Variants in PRRX2 observed in about 807,000 individuals in gnomAD.
PRRX2 encodes the protein paired related homeobox 2, also known as paired mesoderm homeobox protein 2.
PRRX2 carries 11 observed loss-of-function variants against 18.0 expected under a neutral mutation model. That is an observed-to-expected ratio of 0.61 (90% confidence interval 0.39 to 1.01). The LOEUF (loss-of-function observed/expected upper bound fraction) is 1.01, where lower values mean the gene tolerates loss of function less well. PRRX2 is among the 50% of genes least tolerant of loss of function. PRRX2 has a pLI of 0.01. For missense variants in PRRX2, 387 were observed against 351.0 expected (o/e 1.10, Z -0.82); for synonymous variants, 177 against 154.8 (o/e 1.14, Z -1.06).
At chr9:129,704,887 A>C (rs570928883) in intron 1 of PRRX2, among the ~76,000 whole-genome samples, 1 of 152,316 alleles carries the variant, frequency 6.6e-6, no homozygotes, top group African/African-American at 2.4e-5. Flanking sequence ...GAGGCCCAGG[A>C]GCTCTTAAAT....
chr9:129,700,736 G>A (rs1175212759), intron 1 of PRRX2, among the ~76,000 whole-genome samples: 1 of 152,102 alleles, frequency 6.6e-6, no homozygotes, highest in African/African-American at 2.4e-5. Flanking sequence ...TCCCACTTCA[G>A]CCTCCTGAGT....
At position 129,715,705 on chromosome 9, in the gene PRRX2, C is replaced by T. The variant is rs749089387; in HGVS notation, c.260-3526C>T. On this transcript the variant is annotated intron_variant, in intron 1 of 3. Coordinates refer to ENST00000372469, the MANE Select transcript of PRRX2 (RefSeq NM_016307.4). The surrounding 1 kb of genome is among the most constrained non-coding windows in gnomAD (Gnocchi z 4.0). Reference sequence around the variant, plus strand: ...TGTCTCACAGGGGCAAAATTGCCCTCGGTTGAGAAGCAGTGGTCCAAACCC... The same window carrying T: ...TGTCTCACAGGGGCAAAATTGCCCTTGGTTGAGAAGCAGTGGTCCAAACCC... 2.0e-5 allele frequency among the ~76,000 whole-genome samples: 3 copies of T among 151,462 alleles called. No individual in the cohort carries two copies. The highest frequency in any genetic ancestry group is 4.9e-5 in the African/African-American group (2 of 41,164).
Position 129,720,673 on chromosome 9 carries a change from C to A in PRRX2, c.525C>A (p.Leu175=), listed in dbSNP as rs1206485000. The part of the protein sequence containing the change: ...AMLASRSASL[L]KSYSQEAAIE... ...TGGCCAGCCGCTCTGCCTCGCTGCT[C>A]AAGTCCTACAGCCAGGAGGCCGCCA... The change falls in exon 3 of 4, where the codon CTC becomes CTA. Residue 175 remains leucine, a synonymous_variant. Transcript: ENST00000372469. 6.2e-7 allele frequency: 1 copy of A among 1,613,542 alleles called. No homozygotes were observed. The highest frequency in any genetic ancestry group is 1.3e-5 in the African/African-American group (1 of 75,048).
At chr9:129,699,985 G>A (rs1832473941) in intron 1 of PRRX2, among the ~76,000 whole-genome samples, 1 of 152,230 alleles carries the variant, frequency 6.6e-6, no homozygotes, top group African/African-American at 2.4e-5. Flanking sequence ...GAGAGGTTCA[G>A]TAAATTGCCT....
chr9:129,670,679 C>T (rs186013436), intron 1 of PRRX2, among the ~76,000 whole-genome samples: 43 of 152,268 alleles, frequency 2.8e-4, no homozygotes, highest in Admixed American at 2.0e-3. Context: ...CCGGCCCTAC[C>T]TTTAAATGTG....
intron 1 of PRRX2, among the ~76,000 whole-genome samples, chr9:129,690,781 C>T (rs1343829681): frequency 6.6e-6 from 1 of 151,804 alleles, no homozygotes; most frequent in Non-Finnish European, 1.5e-5. Context: ...GCTGGGATTA[C>T]AGGCATGAGC....
chr9:129,678,655 A>G (rs888691843), intron 1 of PRRX2, among the ~76,000 whole-genome samples: 6 of 152,156 alleles, frequency 3.9e-5, no homozygotes, highest in Non-Finnish European at 8.8e-5. Flanking sequence ...TGGAGCAGAA[A>G]GGGTGGGAGA....
chr9:129,699,086 G>A (rs748685279), intron 1 of PRRX2, among the ~76,000 whole-genome samples: 9 of 152,200 alleles, frequency 5.9e-5, no homozygotes, highest in Non-Finnish European at 1.3e-4. Flanking sequence ...TTCCCTGTGG[G>A]AGGTGATTTC....
Position 129,671,789 on chromosome 9 carries a change from C to T in PRRX2, c.259+5663C>T, listed in dbSNP as rs372283186. 6.1e-4 allele frequency among the ~76,000 whole-genome samples: 93 copies of T among 152,298 alleles called. 1 individual carries two copies. The South Asian group carries it at 0.019, about 31-fold the overall frequency. On this transcript the variant is annotated intron_variant, in intron 1 of 3. Transcript: ENST00000372469. The surrounding 1 kb of genome is among the most constrained non-coding windows in gnomAD (Gnocchi z 4.0). ...AGGCAAAGCAACCTGCCCGAGGCCTCACAGCTGGGAAAGGAGAGGAGGGAT... is the reference window on the plus strand; with the variant it reads ...AGGCAAAGCAACCTGCCCGAGGCCTTACAGCTGGGAAAGGAGAGGAGGGAT...
chr9:129,692,102 C>T (rs531150270), intron 1 of PRRX2, among the ~76,000 whole-genome samples: 11 of 150,756 alleles, frequency 7.3e-5, no homozygotes, highest in Admixed American at 2.0e-4. Context: ...CACACCACCA[C>T]GCCTGGCTAG....
intron 1 of PRRX2, among the ~76,000 whole-genome samples, chr9:129,681,572 G>A (rs1352744260): frequency 6.6e-6 from 1 of 152,168 alleles, no homozygotes; most frequent in Admixed American, 6.5e-5. Context: ...TGGGGGTTGT[G>A]GATGCGGCAG....
intron 1 of PRRX2, among the ~76,000 whole-genome samples, chr9:129,698,256 G>GC (rs1832451321): frequency 1.4e-5 from 1 of 73,506 alleles, no homozygotes; most frequent in Admixed American, 1.0e-4. Flanking sequence ...GTTGGATGGG[G>GC]CGGGGGGGGG....
In PRRX2 at chr9:129,683,799, C is replaced by G. The variant is rs561922447; in HGVS notation, c.259+17673C>G. 2.6e-5 allele frequency among the ~76,000 whole-genome samples: 4 copies of G among 152,284 alleles called. No individual in the cohort carries two copies. The East Asian group carries it at 7.7e-4, about 29-fold the overall frequency. ...TTACTGCAGTGCTGTTAAATTCCAC[C>G]GAAGAGAAGCACAGGGGCCTCTGGG... On this transcript the variant is annotated intron_variant, in intron 1 of 3. Coordinates refer to ENST00000372469, the MANE Select transcript of PRRX2 (RefSeq NM_016307.4).
In PRRX2 at chr9:129,665,938, C is replaced by A; in HGVS notation, c.71C>A (p.Pro24His). The change falls in exon 1 of 4, where the codon CCC becomes CAC. Residue 24 changes from proline to histidine, a missense_variant. Physicochemically the swap from Pro to His is moderately conservative, Grantham distance 77. Transcript: ENST00000372469. This position sits in a 1 kb window ranked among gnomAD's most constrained non-coding sequence, Gnocchi z 5.3. Reference sequence around the variant, plus strand: ...GGCCCGGGGCCGCCGCCGCCTCCACCCGCGCTGGGGCCCGGCGACTGCGCC... The same window carrying A: ...GGCCCGGGGCCGCCGCCGCCTCCACACGCGCTGGGGCCCGGCGACTGCGCC... The part of the protein sequence containing the change: ...ALGPGPPPPP[P>H]ALGPGDCAQA... The A allele has an allele frequency of 8.9e-7, 1 of 1,126,912 alleles. No homozygotes were observed. The highest frequency in any genetic ancestry group is 2.4e-5 in the South Asian group (1 of 41,176). The allele number at this position is 1,126,912 out of a possible 1,614,324, so 69.8% of individuals were successfully genotyped here.
rs915610319 is a variant in PRRX2, at chr9:129,722,502, C to T, written c.*150C>T. ...CGAGCCCACGAGGCTGTTGAGGCCC[C>T]TGCAGCCGGGCCCAGCTCTTCTGTC... On this transcript the variant is annotated 3_prime_UTR_variant, in exon 4 of 4. Transcript: ENST00000372469. 7.0e-6 allele frequency: 6 copies of T among 861,228 alleles called. No individual in the cohort carries two copies. Among genetic ancestry groups the T allele is most frequent in the Admixed American group, 8.4e-5 (2 of 23,726 alleles). 53.3% of individuals were successfully genotyped at this position (861,228 alleles called of 1,614,324 possible).
rs149018833 is a variant in PRRX2, at chr9:129,674,417, G to A, written c.259+8291G>A. Among the ~76,000 whole-genome samples, 212 of 152,246 alleles carry A rather than the reference G, an allele frequency of 1.4e-3. 1 individual carries two copies. The highest frequency in any genetic ancestry group is 3.9e-3 in the African/African-American group (160 of 41,546). ...AGCCTGGACCTTCCAGTTTGGGGGC[G>A]GTAGGAGGGGCTAGGAGTGAGTGGG... On this transcript the variant is annotated intron_variant, in intron 1 of 3. Coordinates refer to ENST00000372469, the MANE Select transcript of PRRX2 (RefSeq NM_016307.4).
intron 1 of PRRX2, among the ~76,000 whole-genome samples, chr9:129,680,742 C>CCCTG (rs1230875607): frequency 6.6e-6 from 1 of 152,094 alleles, no homozygotes; most frequent in Non-Finnish European, 1.5e-5. Context: ...CCCTGCCCAG[C>CCCTG]CCTGCCTGGC....
intron 1 of PRRX2, among the ~76,000 whole-genome samples, chr9:129,677,738 G>A (rs931345580): frequency 4.6e-5 from 7 of 152,244 alleles, no homozygotes; most frequent in Admixed American, 2.0e-4. Context: ...CCCGCAGAGC[G>A]GGCCGCCCCA....
chr9:129,666,283 G>C (rs1157618516), intron 1 of PRRX2, among the ~76,000 whole-genome samples, 157 bp downstream of exon 1: 1 of 152,086 alleles, frequency 6.6e-6, no homozygotes, highest in African/African-American at 2.4e-5. Context: ...GGTGGACGGC[G>C]GTTGACCAGC....
Sources: allele counts gnomAD v4.1 joint callset (sites outside exome capture counted in the v4.1 genomes callset), GRCh38; gene constraint gnomAD v4.1.1; non-coding constraint Gnocchi (gnomAD v3.1); transcripts MANE v1.5; gene names NCBI Gene and HGNC (gene_info 2026-07-23, HGNC 2026-07-21).